The following PTPN22 variants were observed in gnomAD, a reference collection of about 807,000 sequenced individuals.
PTPN22 encodes tyrosine-protein phosphatase non-receptor type 22.
A neutral mutation model predicts 103.3 loss-of-function variants in PTPN22; 85 were observed. The ratio of observed to expected loss-of-function variants is 0.82; its 90% confidence interval spans 0.69 to 0.99. The LOEUF (loss-of-function observed/expected upper bound fraction) is 0.99. PTPN22 is among the 50% of genes least tolerant of loss of function. PTPN22 has a pLI of 0.00. For missense variants in PTPN22, 865 were observed against 936.9 expected, an observed-to-expected ratio of 0.92 and a Z score of 1.00; for synonymous variants, 323 against 310.2, an observed-to-expected ratio of 1.04 and a Z score of -0.43.
chr1:113,848,074 G>T (rs1664251935), intron 11 of PTPN22, among the ~76,000 whole-genome samples: 1 of 151,538 alleles, frequency 6.6e-6, no homozygotes, highest in African/African-American at 2.4e-5. Flanking sequence ...TTTGAGACAG[G>T]GTCTCACTTT....
intron 11 of PTPN22, among the ~76,000 whole-genome samples, chr1:113,846,568 A>G (rs1664069987): frequency 6.6e-6 from 1 of 152,140 alleles, no homozygotes; most frequent in African/African-American, 2.4e-5. Context: ...TTTGTTTATT[A>G]TGTTCTTTCT....
chr1:113,842,405 G>A (rs555750510), intron 11 of PTPN22, among the ~76,000 whole-genome samples: 1 of 152,336 alleles, frequency 6.6e-6, no homozygotes, highest in Non-Finnish European at 1.5e-5. Flanking sequence ...GCCAGGCGTG[G>A]TGGCTCACGC....
chr1:113,861,144 A>G (rs1558055028), intron 1 of PTPN22, among the ~76,000 whole-genome samples: 1 of 152,234 alleles, frequency 6.6e-6, no homozygotes, highest in Non-Finnish European at 1.5e-5. Context: ...ATTCATTTGT[A>G]ATGTATGAAA....
rs763072952 is a variant in PTPN22 at position 113,858,973 on chromosome 1, T to C, written c.273+29A>G. 3.5e-5 allele frequency: 56 copies of C among 1,606,812 alleles called. 1 individual carries two copies. The South Asian group carries it at 5.4e-4, about 16-fold the overall frequency. ...CTTTTTTTGGGTATCTAGAGAAATATGGAATGCTTTTATTTTCTTTCACTG... is the reference window on the plus strand; with the variant it reads ...CTTTTTTTGGGTATCTAGAGAAATACGGAATGCTTTTATTTTCTTTCACTG... On this transcript the variant is annotated intron_variant, in intron 3 of 20. Transcript: ENST00000359785.
intron 11 of PTPN22, among the ~76,000 whole-genome samples, chr1:113,846,602 G>T (rs145323792): frequency 6.6e-6 from 1 of 151,794 alleles, no homozygotes; most frequent in Non-Finnish European, 1.5e-5. Context: ...ATTCCCTTTC[G>T]GTTTAGAAAG....
chr1:113,838,069 A>G, exon 13 of PTPN22: 1 of 1,613,838 alleles, frequency 6.2e-7, no homozygotes. Context: ...GGTCCGTGTT[A>G]TTGGCACCTT....
At chr1:113,853,722 C>T (rs1381863541) in intron 9 of PTPN22, among the ~76,000 whole-genome samples, 1 of 151,698 alleles carries the variant, frequency 6.6e-6, no homozygotes, top group Non-Finnish European at 1.5e-5. Context: ...CTCTCTGTCA[C>T]CCAGGCTGGA....
At chr1:113,871,037 A>C (rs542176242) in intron 1 of PTPN22, among the ~76,000 whole-genome samples, 1 of 152,270 alleles carries the variant, frequency 6.6e-6, no homozygotes, top group African/African-American at 2.4e-5. Flanking sequence ...TGAATCTTAA[A>C]AAAACAAACA....
At chr1:113,819,823 C>T in intron 19 of PTPN22, 169 bp from the exon 20 acceptor site, 2 of 398,402 alleles carry the variant, frequency 5.0e-6, no homozygotes, top group African/African-American at 2.0e-5. Flanking sequence ...CTATAATATT[C>T]TCATTTGTAT....
intron 1 of PTPN22, among the ~76,000 whole-genome samples, chr1:113,863,927 A>AT (rs1192566742): frequency 2.7e-4 from 32 of 118,620 alleles, no homozygotes; most frequent in Admixed American, 1.1e-3. Context: ...ATATATATAT[A>AT]TTTTTTTTTG....
intron 19 of PTPN22, among the ~76,000 whole-genome samples, chr1:113,820,299 C>CA (rs1006138873): frequency 3.6e-4 from 54 of 150,660 alleles, no homozygotes; most frequent in African/African-American, 1.3e-3. Context: ...ACTAAAAATA[C>CA]AAAAAAAAAT....
exon 1 of PTPN22, chr1:113,871,569 T>A: frequency 1.2e-6 from 2 of 1,614,034 alleles, no homozygotes; most frequent in Non-Finnish European, 1.7e-6. Flanking sequence ...TCTTTAGTAA[T>A]TTTCTTGCTT....
intron 17 of PTPN22, 117 bp downstream of exon 17, chr1:113,829,832 A>G: frequency 8.1e-7 from 1 of 1,227,362 alleles, no homozygotes; most frequent in Non-Finnish European, 1.2e-6. Context: ...AGGGGCTTTT[A>G]AAATGTATTC....
intron 7 of PTPN22, among the ~76,000 whole-genome samples, chr1:113,855,908 A>G (rs558403912): frequency 6.6e-6 from 1 of 152,360 alleles, no homozygotes; most frequent in South Asian, 2.1e-4. Flanking sequence ...ACTGGTCCCC[A>G]GTCTCTATGC....
At chr1:113,817,921 C>T (rs1011959319) in intron 20 of PTPN22, among the ~76,000 whole-genome samples, 1 of 151,062 alleles carries the variant, frequency 6.6e-6, no homozygotes, top group South Asian at 2.1e-4. Context: ...CATTTATGTT[C>T]CAGGTAAAGT....
chr1:113,871,755 A>T (rs1666605151), upstream of PTPN22: 1 of 724,872 alleles, frequency 1.4e-6, no homozygotes, highest in East Asian at 2.6e-5. Context: ...TGGTTTACTG[A>T]CTTCATCACA....
chr1:113,827,876 T>A (rs183832527), intron 18 of PTPN22, among the ~76,000 whole-genome samples: 408 of 152,292 alleles, frequency 2.7e-3, no homozygotes, highest in Middle Eastern at 6.8e-3. Flanking sequence ...CCAACAACAT[T>A]GAGTGTGCTT....
intron 1 of PTPN22, among the ~76,000 whole-genome samples, chr1:113,869,871 C>A (rs1478835577): frequency 6.6e-6 from 1 of 152,108 alleles, no homozygotes; most frequent in Non-Finnish European, 1.5e-5. Flanking sequence ...GGTAACTCTA[C>A]CAGAGGGGCT....
In PTPN22 at chr1:113,847,726, G is replaced by A. The variant is rs142451619; in HGVS notation, c.915+814C>T. On this transcript the variant is annotated intron_variant, in intron 11 of 20. Coordinates refer to ENST00000359785, the Ensembl canonical transcript of PTPN22. ...CCTGAGTAGCTGGGATTACAGGTGC[G>A]CATCACCATGCCCAGTTAATTTTTG... Among the ~76,000 whole-genome samples the A allele has an allele frequency of 7.9e-5, 12 of 151,766 alleles. No individual in the cohort carries two copies. The East Asian group carries it at 1.4e-3, about 17-fold the overall frequency.
Sources: allele counts gnomAD v4.1 joint callset (sites outside exome capture counted in the v4.1 genomes callset), GRCh38; gene constraint gnomAD v4.1.1; transcripts MANE v1.5; gene names NCBI Gene and HGNC (gene_info 2026-07-23, HGNC 2026-07-21).